SAMD5: variants seen among roughly 807,000 people sequenced by gnomAD.
SAMD5 encodes the protein sterile alpha motif domain-containing protein 5.
In SAMD5, 13 loss-of-function variants were observed where a neutral mutation model predicts 11.3. The observed-to-expected ratio is 1.15, with a 90% CI of 0.75 to 1.83. The LOEUF is 1.83. Ranked by LOEUF, SAMD5 falls within the 40% of genes most tolerant of loss-of-function variation. The probability of loss-of-function intolerance (pLI) is 0.00; values close to 1 mark genes in which losing one functional copy is unlikely to be tolerated. For synonymous variants in SAMD5, 129 were observed against 111.3 expected (o/e 1.16, Z -1.00); for missense variants, 255 against 239.1 (o/e 1.07, Z -0.44).
chr6:147,730,251 AT>A, intron 1 of SAMD5: 1 of 364,944 alleles, frequency 2.7e-6, no homozygotes, highest in South Asian at 2.2e-5. Context: ...AAGATATGAA[AT>A]TCCCTGACTT....
intron 1 of SAMD5, among the ~76,000 whole-genome samples, chr6:147,617,308 A>T (rs1583108388): frequency 6.6e-6 from 1 of 152,328 alleles, no homozygotes; most frequent in African/African-American, 2.4e-5. Context: ...CAAGAAAATA[A>T]GGACCTCTTA....
chr6:147,860,412 A>T, the SAMD5 span, among the ~76,000 whole-genome samples: 6 of 152,218 alleles, frequency 3.9e-5, no homozygotes, highest in African/African-American at 1.4e-4. Flanking sequence ...TTTTCTAGGA[A>T]CATAGTTCAA....
At position 147,568,750 on chromosome 6, in the gene SAMD5, TAC is replaced by T. The variant is rs1789084303; in HGVS notation, c.*4296_*4297del. 1.0e-6 allele frequency: 1 copy of T among 975,296 alleles called. No individual in the cohort carries two copies. Among genetic ancestry groups the T allele is most frequent in the South Asian group, 4.7e-5 (1 of 21,068 alleles). The allele number at this position is 975,296 out of a possible 1,614,324, so 60.4% of individuals were successfully genotyped here. On this transcript the variant is annotated 3_prime_UTR_variant, in exon 2 of 2. Coordinates refer to ENST00000367474, the MANE Select transcript of SAMD5 (RefSeq NM_001030060.3). ...ATTAGCTCCCTCAGTTGTCATCAAT[TAC>T]ATATTCCTACATCAGATATTTTACA... is the stretch of plus-strand genomic sequence containing the variant.
At chr6:147,532,016 G>A (rs1264070063) in intron 1 of SAMD5, among the ~76,000 whole-genome samples, 1 of 152,128 alleles carries the variant, frequency 6.6e-6, no homozygotes, top group Non-Finnish European at 1.5e-5. Context: ...AAAAGAGATA[G>A]TAAAACTAAC....
At chr6:147,897,678 C>T in the SAMD5 span, among the ~76,000 whole-genome samples, 3 of 152,206 alleles carry the variant, frequency 2.0e-5, no homozygotes, top group Non-Finnish European at 4.4e-5. Flanking sequence ...GGCGCAGGGG[C>T]TCACACCTGT....
chr6:147,620,989 T>TGC (rs59069606), intron 1 of SAMD5, among the ~76,000 whole-genome samples: 14 of 55,412 alleles, frequency 2.5e-4, no homozygotes, highest in Non-Finnish European at 3.3e-4. Context: ...TGTGTGTGTG[T>TGC]GCGCGCGCGC....
chr6:147,671,062 A>G (rs150109487), intron 1 of SAMD5, among the ~76,000 whole-genome samples: 52 of 152,316 alleles, frequency 3.4e-4, no homozygotes, highest in African/African-American at 1.2e-3. Context: ...TAGCTGGCCC[A>G]ATTTCAATGT....
the SAMD5 span, among the ~76,000 whole-genome samples, chr6:147,778,159 G>A: frequency 1.3e-5 from 2 of 152,178 alleles, no homozygotes; most frequent in Admixed American, 6.5e-5. Flanking sequence ...CCAACCCAGA[G>A]GGTGTGGGGT....
At chr6:147,866,987 G>C in the SAMD5 span, among the ~76,000 whole-genome samples, 1 of 152,232 alleles carries the variant, frequency 6.6e-6, no homozygotes, top group Middle Eastern at 3.4e-3. Flanking sequence ...GTATGAGAAG[G>C]AAATTTACAT....
the SAMD5 span, among the ~76,000 whole-genome samples, chr6:147,840,182 ATT>A: frequency 6.6e-6 from 1 of 152,210 alleles, no homozygotes; most frequent in African/African-American, 2.4e-5. Context: ...TTTTGCTCAC[ATT>A]TACATTAGCT....
intron 1 of SAMD5, among the ~76,000 whole-genome samples, chr6:147,714,025 C>T (rs1791433120): frequency 6.6e-6 from 1 of 152,134 alleles, no homozygotes; most frequent in Non-Finnish European, 1.5e-5. Context: ...CTCCACTTAA[C>T]AGTAAAATAA....
At chr6:147,926,472 C>T in the SAMD5 span, among the ~76,000 whole-genome samples, 8 of 151,736 alleles carry the variant, frequency 5.3e-5, no homozygotes, top group South Asian at 2.1e-4. Flanking sequence ...TTGTTGGACA[C>T]GTGTGTCTTC....
intron 1 of SAMD5, among the ~76,000 whole-genome samples, chr6:147,661,247 C>T (rs963741670): frequency 6.6e-6 from 1 of 152,066 alleles, no homozygotes; most frequent in Non-Finnish European, 1.5e-5. Context: ...GAGACTTCAC[C>T]TTCAGATTTT....
chr6:147,850,373 G>A, the SAMD5 span, among the ~76,000 whole-genome samples: 2 of 152,086 alleles, frequency 1.3e-5, no homozygotes, highest in South Asian at 4.1e-4. Context: ...AACCGGCAGA[G>A]GGCTGTATCT....
At chr6:147,635,283 A>G (rs1790212470) in intron 1 of SAMD5, among the ~76,000 whole-genome samples, 1 of 152,174 alleles carries the variant, frequency 6.6e-6, no homozygotes, top group African/African-American at 2.4e-5. Context: ...ACACCTATTA[A>G]AATTTCATGA....
the SAMD5 span, among the ~76,000 whole-genome samples, chr6:147,847,429 C>A: frequency 2.0e-5 from 3 of 152,168 alleles, no homozygotes; most frequent in Non-Finnish European, 4.4e-5. Context: ...AAAAAACCCA[C>A]CTCAGTATTA....
chr6:147,514,211 G>T (rs1788131098), intron 1 of SAMD5, among the ~76,000 whole-genome samples: 1 of 151,994 alleles, frequency 6.6e-6, no homozygotes, highest in Non-Finnish European at 1.5e-5. Flanking sequence ...ATTCGCTTCT[G>T]CTTCTGGCGG....
intron 1 of SAMD5, among the ~76,000 whole-genome samples, chr6:147,611,421 G>A (rs1212523803): frequency 1.3e-5 from 2 of 151,952 alleles, no homozygotes; most frequent in Non-Finnish European, 2.9e-5. Flanking sequence ...AAATTAGCCA[G>A]GCATGGTGGT....
the SAMD5 span, among the ~76,000 whole-genome samples, chr6:147,785,236 G>A: frequency 5.1e-4 from 78 of 152,204 alleles, 1 homozygote; most frequent in African/African-American, 1.7e-3. Context: ...TGGGCTCCCC[G>A]TGCCAGAGTG....
Sources: gnomAD v4.1 joint callset for allele counts (sites outside exome capture counted in the v4.1 genomes callset) on GRCh38, gnomAD v4.1.1 for gene constraint, MANE v1.5 for transcripts, NCBI Gene and HGNC (gene_info 2026-07-23, HGNC 2026-07-21) for gene names.